The following PARD3 variants were observed in gnomAD, a reference collection of about 807,000 sequenced individuals.
PARD3 encodes the protein partitioning defective 3 homolog.
In PARD3, 75 loss-of-function variants were observed where a neutral mutation model predicts 155.4. That is an observed-to-expected ratio of 0.48 (90% CI 0.40 to 0.58). PARD3 has a LOEUF of 0.58. Ranked by LOEUF, PARD3 falls within the 20% of genes least tolerant of loss-of-function variation. The pLI is 0.00. For missense variants in PARD3, 1,642 were observed against 1,721.7 expected (o/e 0.95, Z 0.82); for synonymous variants, 576 against 610.5 (o/e 0.94, Z 0.83).
At chr10:34,732,214 A>C (rs1006501115) in intron 1 of PARD3, among the ~76,000 whole-genome samples, 8 of 152,328 alleles carry the variant, frequency 5.3e-5, no homozygotes, top group African/African-American at 1.9e-4. Flanking sequence ...ATTAAACTAC[A>C]AAACAGTCAC....
intron 1 of PARD3, among the ~76,000 whole-genome samples, chr10:34,776,551 AT>A (rs753285825): frequency 0.022 from 3,125 of 142,730 alleles, 79 homozygotes; most frequent in African/African-American, 0.062. Flanking sequence ...TTCTTGAACA[AT>A]TTTTTTTTTT....
intron 23 of PARD3, among the ~76,000 whole-genome samples, chr10:34,125,071 CTTT>C (rs71523316): frequency 7.1e-6 from 1 of 140,626 alleles, no homozygotes. Context: ...CTATTTCTTT[CTTT>C]TTTTTTTTTT....
At chr10:34,295,492 C>A (rs147551669) in intron 20 of PARD3, among the ~76,000 whole-genome samples, 15 of 152,236 alleles carry the variant, frequency 9.9e-5, no homozygotes, top group African/African-American at 3.6e-4. Context: ...GGCTCACTGG[C>A]CATCACAAGC....
rs1282907656 is a variant in PARD3 at position 34,684,177 on chromosome 10, T to C, written c.222+12141A>G. 2.6e-5 allele frequency among the ~76,000 whole-genome samples: 4 copies of C among 152,206 alleles called. No individual in the cohort carries two copies. In the South Asian group the frequency reaches 6.2e-4, roughly 24 times the overall value. On this transcript the variant is annotated intron_variant, in intron 2 of 24. Coordinates refer to ENST00000374788, the MANE Select transcript of PARD3 (RefSeq NM_001184785.2). ...ACTAAACCTAATGCTTCTTTCCTAC[T>C]GGAATTAAGCAGAAGTAGAATATGG...
rs141734763 is a variant in PARD3 at position 34,460,871 on chromosome 10, C to T, written c.582+9214G>A. 1.9e-3 allele frequency among the ~76,000 whole-genome samples: 286 copies of T among 152,134 alleles called. 10 individuals are homozygous for T. The East Asian group carries it at 0.052, about 28-fold the overall frequency. ...AAAAATAAAAATAAAATGGGTACAG[C>T]AACAGTACCTACACTTCTGGTATAG... On this transcript the variant is annotated intron_variant, in intron 4 of 24. Coordinates refer to ENST00000374788, the MANE Select transcript of PARD3 (RefSeq NM_001184785.2).
chr10:34,461,677 T>G (rs145069379), intron 4 of PARD3, among the ~76,000 whole-genome samples: 2 of 152,316 alleles, frequency 1.3e-5, no homozygotes, highest in African/African-American at 4.8e-5. Flanking sequence ...TCAATGTATA[T>G]AGACTACGCA....
At chr10:34,204,328 G>C (rs1165363915) in intron 22 of PARD3, among the ~76,000 whole-genome samples, 1 of 152,166 alleles carries the variant, frequency 6.6e-6, no homozygotes, top group Admixed American at 6.5e-5. Flanking sequence ...CAGTGGCAGT[G>C]GGCTGGACAA....
chr10:34,235,841 A>G (rs1456970885), intron 22 of PARD3, among the ~76,000 whole-genome samples: 1 of 152,216 alleles, frequency 6.6e-6, no homozygotes, highest in African/African-American at 2.4e-5. Context: ...AAAATGTCTG[A>G]CAATATCCAG....
At chr10:34,421,114 G>C (rs1846147640) in intron 5 of PARD3, among the ~76,000 whole-genome samples, 3 of 152,156 alleles carry the variant, frequency 2.0e-5, no homozygotes, top group Admixed American at 6.6e-5. Context: ...CAAGGCTGCA[G>C]TGAGCCATGA....
intron 4 of PARD3, among the ~76,000 whole-genome samples, chr10:34,453,367 T>C (rs1248881036): frequency 6.6e-6 from 1 of 152,232 alleles, no homozygotes; most frequent in Non-Finnish European, 1.5e-5. Context: ...ACTTATAATT[T>C]AGCTAATTTT....
At chr10:34,150,167 G>A (rs1471581759) in intron 22 of PARD3, among the ~76,000 whole-genome samples, 2 of 152,134 alleles carry the variant, frequency 1.3e-5, no homozygotes, top group Non-Finnish European at 2.9e-5. Context: ...AATAATATGA[G>A]ATGAGATACA....
intron 22 of PARD3, among the ~76,000 whole-genome samples, chr10:34,171,945 C>T (rs1949812988): frequency 1.3e-5 from 1 of 79,376 alleles, no homozygotes; most frequent in Non-Finnish European, 2.2e-5. Context: ...GATGAGACTC[C>T]ATCTCAAAAA....
At chr10:34,746,940 G>A (rs907117665) in intron 1 of PARD3, among the ~76,000 whole-genome samples, 13 of 152,158 alleles carry the variant, frequency 8.5e-5, no homozygotes, top group African/African-American at 3.1e-4. Flanking sequence ...AGGCTGCCGG[G>A]GTTCAGGGTC....
At chr10:34,240,948 C>T (rs938117955) in intron 22 of PARD3, among the ~76,000 whole-genome samples, 1 of 152,154 alleles carries the variant, frequency 6.6e-6, no homozygotes, top group African/African-American at 2.4e-5. Flanking sequence ...AAACCAGTGT[C>T]AACTGAGCAG....
At chr10:34,450,547 A>G (rs2077000577) in intron 4 of PARD3, 99 bp from the exon 5 acceptor site, 4 of 1,127,108 alleles carry the variant, frequency 3.5e-6, no homozygotes, top group Non-Finnish European at 5.0e-6. Context: ...ATGATTCTAC[A>G]TATTTAAAAC....
At chr10:34,622,827 CTTTTTTT>C (rs567045063) in intron 2 of PARD3, among the ~76,000 whole-genome samples, 2 of 113,456 alleles carry the variant, frequency 1.8e-5, no homozygotes, top group Admixed American at 8.7e-5. Flanking sequence ...TTCTTTTTTT[CTTTTTTT>C]TTTTTTTTTT....
chr10:34,245,551 G>A (rs1050483106), intron 22 of PARD3, among the ~76,000 whole-genome samples: 1 of 150,990 alleles, frequency 6.6e-6, no homozygotes, highest in Admixed American at 6.6e-5. Context: ...ACTTCATTAT[G>A]CCAGACAAGG....
At chr10:34,522,945 G>A (rs766376844) in intron 2 of PARD3, among the ~76,000 whole-genome samples, 2 of 152,154 alleles carry the variant, frequency 1.3e-5, no homozygotes, top group Non-Finnish European at 2.9e-5. Context: ...ACAGCACAGG[G>A]CACTGGCAGG....
intron 5 of PARD3, among the ~76,000 whole-genome samples, chr10:34,435,458 T>C (rs1390399055): frequency 6.6e-6 from 1 of 152,108 alleles, no homozygotes; most frequent in Admixed American, 6.5e-5. Flanking sequence ...CAGATCCAAA[T>C]AGGTAGTAAG....
Sources: allele counts gnomAD v4.1 joint callset (sites outside exome capture counted in the v4.1 genomes callset), GRCh38; gene constraint gnomAD v4.1.1; transcripts MANE v1.5; gene names NCBI Gene and HGNC (gene_info 2026-07-23, HGNC 2026-07-21).